LINC00305: variants seen among roughly 807,000 people sequenced by gnomAD.
LINC00305 encodes the protein long independently transcribed non-coding RNA 305, also known as long intergenic non-protein coding RNA 305.
chr18:64,143,714 T>C (rs1287181627), intron 1 of LINC00305, among the ~76,000 whole-genome samples: 3 of 151,040 alleles, frequency 2.0e-5, no homozygotes, highest in Non-Finnish European at 3.0e-5. Context: ...TATGTCCACA[T>C]ATTATGCGTA....
intron 3 of LINC00305, among the ~76,000 whole-genome samples, chr18:64,084,038 C>T (rs2051194358): frequency 6.6e-6 from 1 of 152,176 alleles, no homozygotes; most frequent in Non-Finnish European, 1.5e-5. Context: ...GGTTTGCATG[C>T]AGGCTGTTAG....
chr18:64,125,021 T>A (rs1213648289), intron 1 of LINC00305, among the ~76,000 whole-genome samples: 2 of 152,090 alleles, frequency 1.3e-5, no homozygotes, highest in East Asian at 3.9e-4. Context: ...ATCATTTCCA[T>A]TAATTACTAG....
At chr18:64,114,423 C>T (rs527620181) in intron 1 of LINC00305, among the ~76,000 whole-genome samples, 1 of 152,272 alleles carries the variant, frequency 6.6e-6, no homozygotes, top group South Asian at 2.1e-4. Flanking sequence ...ATGGACATTC[C>T]GGGTGTGCTA....
chr18:64,125,374 T>C (rs1310438342), intron 1 of LINC00305, among the ~76,000 whole-genome samples: 1 of 151,942 alleles, frequency 6.6e-6, no homozygotes, highest in Non-Finnish European at 1.5e-5. Flanking sequence ...GTTCCAAGTC[T>C]CTAAAATAGA....
At chr18:64,137,793 A>C (rs1477086920) in intron 1 of LINC00305, among the ~76,000 whole-genome samples, 5 of 152,078 alleles carry the variant, frequency 3.3e-5, no homozygotes, top group African/African-American at 1.2e-4. Flanking sequence ...GAATTTACTA[A>C]AAAGGAATTT....
intron 1 of LINC00305, among the ~76,000 whole-genome samples, chr18:64,109,261 AG>A (rs1237463283): frequency 1.3e-5 from 2 of 152,228 alleles, no homozygotes; most frequent in African/African-American, 2.4e-5. Context: ...AGAACTCAAG[AG>A]GGTTCCCATT....
chr18:64,086,389 A>C (rs962740113), intron 3 of LINC00305, among the ~76,000 whole-genome samples: 1 of 152,230 alleles, frequency 6.6e-6, no homozygotes. Flanking sequence ...ACAAAGTAAC[A>C]GGAAAAACAA....
chr18:64,125,445 T>G (rs1177865776), intron 1 of LINC00305, among the ~76,000 whole-genome samples: 3 of 152,164 alleles, frequency 2.0e-5, no homozygotes, highest in Non-Finnish European at 4.4e-5. Context: ...ACTCTTATCT[T>G]AATTCGTATT....
At chr18:64,089,824 T>G (rs1270592997) in intron 3 of LINC00305, among the ~76,000 whole-genome samples, 7 of 152,184 alleles carry the variant, frequency 4.6e-5, no homozygotes, top group African/African-American at 1.7e-4. Flanking sequence ...AAACTCCACC[T>G]TATAAAACCA....
chr18:64,091,107 A>G (rs2051223189), intron 3 of LINC00305, among the ~76,000 whole-genome samples: 1 of 152,246 alleles, frequency 6.6e-6, no homozygotes, highest in Non-Finnish European at 1.5e-5. Flanking sequence ...GAAATAAATG[A>G]GTAGCAAATA....
intron 1 of LINC00305, among the ~76,000 whole-genome samples, chr18:64,121,387 C>T (rs1331482859): frequency 1.3e-5 from 2 of 151,982 alleles, no homozygotes; most frequent in Non-Finnish European, 2.9e-5. Flanking sequence ...TCATTTGACA[C>T]TCTACACCTT....
intron 3 of LINC00305, among the ~76,000 whole-genome samples, chr18:64,085,966 C>G (rs542015372): frequency 6.6e-4 from 101 of 152,322 alleles, no homozygotes; most frequent in African/African-American, 2.3e-3. Flanking sequence ...TCTTACATTT[C>G]TTTGCAGTTG....
At chr18:64,133,528 T>A (rs71355111) in intron 1 of LINC00305, among the ~76,000 whole-genome samples, 2,680 of 152,314 alleles carry the variant, frequency 0.018, 42 homozygotes, top group Non-Finnish European at 0.024. Flanking sequence ...AAACCCCAGC[T>A]GTGAGGAGGC....
At chr18:64,105,529 T>C (rs1180477614) in intron 1 of LINC00305, among the ~76,000 whole-genome samples, 4 of 152,144 alleles carry the variant, frequency 2.6e-5, no homozygotes, top group Admixed American at 6.5e-5. Flanking sequence ...ACCCCTCAAA[T>C]TGTATAAACA....
intron 1 of LINC00305, among the ~76,000 whole-genome samples, chr18:64,118,443 AT>A (rs2051347375): frequency 1.3e-5 from 2 of 152,100 alleles, no homozygotes; most frequent in African/African-American, 4.8e-5. Context: ...ATTATTTTTA[AT>A]GTCTCTAACT....
At chr18:64,087,741 G>T (rs2051208718) in intron 3 of LINC00305, among the ~76,000 whole-genome samples, 1 of 152,082 alleles carries the variant, frequency 6.6e-6, no homozygotes, top group African/African-American at 2.4e-5. Flanking sequence ...ATACATAAAA[G>T]AATTAGAGAT....
chr18:64,099,602 C>A (rs1599210330), intron 1 of LINC00305, among the ~76,000 whole-genome samples: 1 of 152,086 alleles, frequency 6.6e-6, no homozygotes, highest in Non-Finnish European at 1.5e-5. Context: ...TTTAGTTTAC[C>A]TTGTCTTTTT....
chr18:64,102,400 G>A (rs1436356266), intron 1 of LINC00305, among the ~76,000 whole-genome samples: 1 of 152,132 alleles, frequency 6.6e-6, no homozygotes, highest in Admixed American at 6.5e-5. Flanking sequence ...CATTTAGAAT[G>A]TCAGCTTCCA....
intron 1 of LINC00305, among the ~76,000 whole-genome samples, chr18:64,106,678 T>C (rs1242705981): frequency 6.6e-6 from 1 of 152,160 alleles, no homozygotes; most frequent in African/African-American, 2.4e-5. Context: ...ATCCCACGTG[T>C]GTGTCTCTGG....
Sources: allele counts gnomAD v4.1 joint callset (sites outside exome capture counted in the v4.1 genomes callset), GRCh38; gene constraint gnomAD v4.1.1; transcripts MANE v1.5; gene names NCBI Gene and HGNC (gene_info 2026-07-23, HGNC 2026-07-21).